The following CLTC variants were observed in gnomAD, a reference collection of about 807,000 sequenced individuals.
The protein encoded by CLTC is clathrin heavy chain 1.
CLTC carries 16 observed loss-of-function variants against 195.8 expected under a neutral mutation model. The observed-to-expected ratio is 0.08, with a 90% CI of 0.06 to 0.12. The LOEUF (loss-of-function observed/expected upper bound fraction) is 0.12, where lower values mean the gene tolerates loss of function less well. Ranked by LOEUF, CLTC falls within the 10% of genes least tolerant of loss-of-function variation. CLTC has a pLI of 1.00. For synonymous variants in CLTC, 667 were observed against 689.4 expected, an observed-to-expected ratio of 0.97 and a Z score of 0.51; for missense variants, 796 against 2,027.0, an observed-to-expected ratio of 0.39 and a Z score of 11.66.
At chr17:59,669,016 A>G in intron 14 of CLTC, 76 bp downstream of exon 14, 1 of 1,350,886 alleles carries the variant, frequency 7.4e-7, no homozygotes, top group Non-Finnish European at 9.9e-7. Flanking sequence ...TCATAGTTCA[A>G]AAATATTTTT....
At chr17:59,667,013 T>G (rs2032746987) in intron 13 of CLTC, 36 bp downstream of exon 13, 1 of 1,546,610 alleles carries the variant, frequency 6.5e-7, no homozygotes, top group Non-Finnish European at 8.9e-7. Flanking sequence ...AAAAAAGTAC[T>G]TAAGGTAGCC....
intron 1 of CLTC, among the ~76,000 whole-genome samples, chr17:59,633,472 G>A (rs1466735149): frequency 7.2e-5 from 11 of 151,962 alleles, no homozygotes; most frequent in Admixed American, 5.3e-4. Flanking sequence ...CAGCCTGGGC[G>A]ACAGAGCGAG....
chr17:59,676,906 A>G (rs2032978423), intron 16 of CLTC, 48 bp from the exon 17 acceptor site: 11 of 1,353,906 alleles, frequency 8.1e-6, no homozygotes, highest in Middle Eastern at 1.8e-4. Context: ...AGAGTGTGTT[A>G]TTTATAATAC....
At chr17:59,649,557 G>C (rs1330070127) in intron 4 of CLTC, among the ~76,000 whole-genome samples, 1 of 152,160 alleles carries the variant, frequency 6.6e-6, no homozygotes, top group East Asian at 1.9e-4. Context: ...TGTCCCATCA[G>C]GAAGAGGGTT....
intron 28 of CLTC, 128 bp from the exon 29 acceptor site, chr17:59,684,928 A>G (rs1749566319): frequency 3.1e-6 from 2 of 651,004 alleles, no homozygotes; most frequent in African/African-American, 1.8e-5. Flanking sequence ...ATGAAAAATC[A>G]TACCTTTTGA....
At chr17:59,679,029 T>C (rs2033026496) in intron 17 of CLTC, among the ~76,000 whole-genome samples, 1 of 152,222 alleles carries the variant, frequency 6.6e-6, no homozygotes, top group Admixed American at 6.5e-5. Context: ...AGTCAAGATC[T>C]GAGCTTTAGT....
chr17:59,685,734 A>T lies in CLTC; in HGVS notation c.4753A>T (p.Thr1585Ser). Residue 1585 changes from threonine to serine, a missense_variant, in exon 30 of 32, where the codon ACT becomes TCT. Physicochemically the swap from Thr to Ser is moderately conservative, Grantham distance 58. Coordinates refer to ENST00000269122, the MANE Select transcript of CLTC (RefSeq NM_004859.4). This position sits in a 1 kb window ranked among gnomAD's most constrained non-coding sequence, Gnocchi z 5.0. ...TTTAAGGCCAGATGTCGTCCTAGAA[A>T]CTGCATGGAGGCACAATATCATGGA... ...DLLRPDVVLE[T>S]AWRHNIMDFA... The T allele has an allele frequency of 6.2e-7, 1 of 1,614,106 alleles. No individual in the cohort carries two copies.
chr17:59,646,012 T>A, intron 2 of CLTC: 4 of 812,938 alleles, frequency 4.9e-6, no homozygotes, highest in Non-Finnish European at 5.9e-6. Context: ...TTCTTATGTG[T>A]GCAGATGGTG....
intron 1 of CLTC, among the ~76,000 whole-genome samples, chr17:59,641,851 T>G (rs1410984720): frequency 6.6e-6 from 1 of 151,992 alleles, no homozygotes; most frequent in African/African-American, 2.4e-5. Flanking sequence ...TTTATTTACC[T>G]TATTTTTTAA....
In CLTC at chr17:59,695,042, G is replaced by A. The variant is rs1303011056; in HGVS notation, c.*1190G>A. 10 of 210,404 alleles carry A rather than the reference G, an allele frequency of 4.8e-5. No homozygotes were observed. The highest frequency in any genetic ancestry group is 3.6e-4 in the East Asian group (5 of 13,836). The allele number at this position is 210,404 out of a possible 1,614,324, so 13.0% of individuals were successfully genotyped here. A position where few individuals can be genotyped will look rare whatever the true frequency, so the allele number is the denominator to read the frequency against. ...ACCAAGTGACACCGAGGTTTTTATC[G>A]AAGCATTTCACTTAAATGAACAAAT... is the stretch of plus-strand genomic sequence containing the variant. On this transcript the variant is annotated 3_prime_UTR_variant, in exon 32 of 32. Coordinates refer to ENST00000269122, the MANE Select transcript of CLTC (RefSeq NM_004859.4).
At chr17:59,628,078 C>A (rs1266610798) in intron 1 of CLTC, among the ~76,000 whole-genome samples, 1 of 152,170 alleles carries the variant, frequency 6.6e-6, no homozygotes. Context: ...ACTGCCAGTA[C>A]TGTTAATACT....
chr17:59,642,098 G>A (rs1314334562), intron 1 of CLTC, among the ~76,000 whole-genome samples: 1 of 150,950 alleles, frequency 6.6e-6, no homozygotes, highest in Admixed American at 6.6e-5. Flanking sequence ...TTTTTTCTGG[G>A]GATCTAACAA....
At chr17:59,625,006 G>A (rs1450925330) in intron 1 of CLTC, among the ~76,000 whole-genome samples, 1 of 151,656 alleles carries the variant, frequency 6.6e-6, no homozygotes, top group African/African-American at 2.4e-5. Flanking sequence ...TATTTAACTT[G>A]GGATATGCAA....
At chr17:59,690,841 G>C (rs2033280235) in intron 31 of CLTC, 130 bp downstream of exon 31, 1 of 563,048 alleles carries the variant, frequency 1.8e-6, no homozygotes, top group Non-Finnish European at 3.0e-6. Flanking sequence ...GCTCTCTACT[G>C]TCTGATTTTT....
intron 31 of CLTC, among the ~76,000 whole-genome samples, chr17:59,692,307 C>T (rs73331202): frequency 2.5e-5 from 3 of 118,100 alleles, no homozygotes; most frequent in African/African-American, 9.5e-5. Context: ...GAGCGAGACT[C>T]CGTCTCAAAA....
chr17:59,666,055 A>T lies in CLTC; in HGVS notation c.1645-48A>T. 1 of 1,408,544 alleles carries T rather than the reference A, an allele frequency of 7.1e-7. No individual in the cohort carries two copies. Among genetic ancestry groups the T allele is most frequent in the Non-Finnish European group, 9.9e-7 (1 of 1,013,070 alleles). 87.3% of individuals were successfully genotyped at this position (1,408,544 alleles called of 1,614,324 possible). The stretch of plus-strand genomic sequence containing the variant: ...AGTTCATGCATAATTTTGTCTACAT[A>T]CTCTCCATAGTATCTTAAAACAATT... On this transcript the variant is annotated intron_variant, in intron 10 of 31. Transcript: ENST00000269122. The surrounding 1 kb of genome is among the most constrained non-coding windows in gnomAD (Gnocchi z 4.9).
At chr17:59,653,444 C>T (rs2877975) in intron 5 of CLTC, among the ~76,000 whole-genome samples, 27,853 of 151,882 alleles carry the variant, frequency 0.18, 3,460 homozygotes, top group East Asian at 0.45. Flanking sequence ...CCACCCACCT[C>T]GGCCTCCCAA....
Position 59,683,993 on chromosome 17 carries a change from CT to C in CLTC, c.4434+12del. On this transcript the variant is annotated intron_variant, in intron 28 of 31. Coordinates refer to ENST00000269122, the MANE Select transcript of CLTC (RefSeq NM_004859.4). The surrounding 1 kb of genome is among the most constrained non-coding windows in gnomAD (Gnocchi z 6.1). The stretch of plus-strand genomic sequence containing the variant: ...ACAGAAGAAGATTATCAGGTAAAAC[CT>C]TTTGATTCTTGCACATAATCTCAAG... 1 of 1,480,960 alleles carries C rather than the reference CT, an allele frequency of 6.8e-7. No individual in the cohort carries two copies. Among genetic ancestry groups the C allele is most frequent in the Non-Finnish European group, 9.4e-7 (1 of 1,060,718 alleles). The allele number at this position is 1,480,960 out of a possible 1,614,324, so 91.7% of individuals were successfully genotyped here.
In CLTC at chr17:59,682,307, C is replaced by G; in HGVS notation, c.3479C>G (p.Ala1160Gly). The part of the protein sequence containing the change: ...WEELVKYLQM[A>G]RKKARESYVE... ...GAACTGGTGAAGTACTTGCAGATGGCCCGTAAGAAGGCTCGAGAGTCCTAT... is the reference window on the plus strand; with the variant it reads ...GAACTGGTGAAGTACTTGCAGATGGGCCGTAAGAAGGCTCGAGAGTCCTAT... The change falls in exon 22 of 32, where the codon GCC (alanine) becomes GGC (glycine). Residue 1160 changes from alanine (A) to glycine (G), a missense_variant. Ala to Gly is a moderately conservative substitution (Grantham distance 60). Transcript: ENST00000269122. The surrounding 1 kb of genome is among the most constrained non-coding windows in gnomAD (Gnocchi z 6.8). The G allele has an allele frequency of 6.2e-7, 1 of 1,613,892 alleles. No individual in the cohort carries two copies. Among genetic ancestry groups the G allele is most frequent in the Non-Finnish European group, 8.5e-7 (1 of 1,179,896 alleles).
Sources: allele counts gnomAD v4.1 joint callset (sites outside exome capture counted in the v4.1 genomes callset), GRCh38; gene constraint gnomAD v4.1.1; non-coding constraint Gnocchi (gnomAD v3.1); transcripts MANE v1.5; gene names NCBI Gene and HGNC (gene_info 2026-07-23, HGNC 2026-07-21).